EYS: variants seen among roughly 807,000 people sequenced by gnomAD.
EYS encodes the protein EGF-like photoreceptor maintenance factor.
EYS carries 250 observed loss-of-function variants against 282.1 expected under a neutral mutation model. The ratio of observed to expected loss-of-function variants is 0.89; its 90% confidence interval spans 0.80 to 0.98. The LOEUF is 0.98. Ranked by LOEUF, EYS falls within the 50% of genes least tolerant of loss-of-function variation. The pLI is 0.00. For synonymous variants in EYS, 1,355 were observed against 1,282.9 expected, an observed-to-expected ratio of 1.06 and a Z score of -1.20; for missense variants, 4,016 against 3,709.0, an observed-to-expected ratio of 1.08 and a Z score of -2.15.
chr6:64,323,070 ATAATT>A (rs1326695598), intron 29 of EYS, among the ~76,000 whole-genome samples: 1 of 152,134 alleles, frequency 6.6e-6, no homozygotes, highest in African/African-American at 2.4e-5. Context: ...CATATCATAT[ATAATT>A]TATCTATTTA....
chr6:65,521,986 G>C (rs1186449019), intron 2 of EYS, among the ~76,000 whole-genome samples: 2 of 152,084 alleles, frequency 1.3e-5, no homozygotes, highest in African/African-American at 4.8e-5. Context: ...TTCGGAGTTT[G>C]AGGAATTTTA....
intron 29 of EYS, among the ~76,000 whole-genome samples, chr6:64,381,206 T>G (rs1420442638): frequency 2.6e-5 from 4 of 152,178 alleles, no homozygotes; most frequent in African/African-American, 4.8e-5. Context: ...TTCTTTATAC[T>G]AACTCTACCT....
At chr6:64,153,908 AAAACG>A (rs1339512756) in intron 31 of EYS, among the ~76,000 whole-genome samples, 1 of 152,214 alleles carries the variant, frequency 6.6e-6, no homozygotes, top group Non-Finnish European at 1.5e-5. Context: ...GCATATAGAT[AAAACG>A]AATGAACAAG....
At chr6:63,731,431 A>G (rs560089133) in intron 41 of EYS, among the ~76,000 whole-genome samples, 107 of 152,142 alleles carry the variant, frequency 7.0e-4, no homozygotes, top group Non-Finnish European at 1.2e-3. Context: ...TCTTATATCT[A>G]TTGCAAGTAT....
chr6:64,759,172 G>T (rs1292402075), intron 22 of EYS, among the ~76,000 whole-genome samples: 2 of 151,880 alleles, frequency 1.3e-5, no homozygotes, highest in African/African-American at 2.4e-5. Context: ...AAAAAAATTA[G>T]TCTGAAGTTG....
chr6:65,357,591 T>A (rs1391501591), intron 8 of EYS, among the ~76,000 whole-genome samples: 1 of 151,980 alleles, frequency 6.6e-6, no homozygotes, highest in Non-Finnish European at 1.5e-5. Flanking sequence ...CAGTTGATAT[T>A]CCTAAGGAAC....
At chr6:64,798,017 C>A (rs1353177776) in intron 22 of EYS, among the ~76,000 whole-genome samples, 1 of 151,602 alleles carries the variant, frequency 6.6e-6, no homozygotes, top group South Asian at 2.1e-4. Context: ...TATATTAAAA[C>A]CATTATTTTC....
At chr6:64,918,436 T>G (rs973320206) in intron 15 of EYS, among the ~76,000 whole-genome samples, 5 of 152,080 alleles carry the variant, frequency 3.3e-5, no homozygotes, top group African/African-American at 1.2e-4. Flanking sequence ...TTGAAGATAT[T>G]TAAGGGTTTT....
Position 64,738,252 on chromosome 6 carries a change from C to A in EYS, c.3443+75126G>T, listed in dbSNP as rs1361948612. ...GATCCCTCATGAATGGCTTGATACC[C>A]TCCCTACAGTAATGAATGTGTTCTC... On this transcript the variant is annotated intron_variant, in intron 22 of 42. Transcript: ENST00000503581. 2.0e-5 allele frequency among the ~76,000 whole-genome samples: 3 copies of A among 152,118 alleles called. No individual in the cohort carries two copies. The East Asian group carries it at 5.8e-4, about 29-fold the overall frequency.
At chr6:64,192,753 T>C (rs952322539) in intron 31 of EYS, among the ~76,000 whole-genome samples, 2 of 152,294 alleles carry the variant, frequency 1.3e-5, no homozygotes, top group East Asian at 1.9e-4. Flanking sequence ...GGCATTACTA[T>C]TCTCTTTCAT....
chr6:63,969,759 T>C (rs1309763916), intron 35 of EYS, among the ~76,000 whole-genome samples: 1 of 152,202 alleles, frequency 6.6e-6, no homozygotes, highest in Non-Finnish European at 1.5e-5. Flanking sequence ...AGTCACATAA[T>C]ATATGGGGCC....
intron 2 of EYS, among the ~76,000 whole-genome samples, chr6:65,634,569 ACT>A (rs1767024444): frequency 2.0e-5 from 3 of 152,182 alleles, no homozygotes; most frequent in Non-Finnish European, 4.4e-5. Flanking sequence ...TCAGCTAGCT[ACT>A]CGGCAACTCT....
chr6:64,423,608 G>A (rs1187591944), intron 28 of EYS, among the ~76,000 whole-genome samples: 1 of 152,136 alleles, frequency 6.6e-6, no homozygotes, highest in African/African-American at 2.4e-5. Flanking sequence ...AAGAGTTCCA[G>A]ACCAGCCTAG....
intron 41 of EYS, among the ~76,000 whole-genome samples, chr6:63,753,497 T>C (rs1276071399): frequency 1.3e-5 from 2 of 152,186 alleles, no homozygotes; most frequent in South Asian, 4.1e-4. Flanking sequence ...ATTTTCACAC[T>C]GCTATATGGG....
At chr6:64,292,451 C>G (rs887920574) in intron 30 of EYS, among the ~76,000 whole-genome samples, 8 of 151,956 alleles carry the variant, frequency 5.3e-5, no homozygotes, top group African/African-American at 1.9e-4. Flanking sequence ...TGCTAGAGAG[C>G]TAGGGGTTAA....
intron 19 of EYS, among the ~76,000 whole-genome samples, chr6:64,855,085 C>T (rs1022476024): frequency 9.2e-5 from 14 of 151,932 alleles, no homozygotes; most frequent in African/African-American, 2.7e-4. Context: ...TGTCTGCCTT[C>T]AAGATTATCT....
chr6:64,036,582 C>A (rs1770132655), intron 33 of EYS, among the ~76,000 whole-genome samples: 1 of 152,108 alleles, frequency 6.6e-6, no homozygotes, highest in Admixed American at 6.5e-5. Flanking sequence ...AGACATCACG[C>A]AGGTGAACAA....
At chr6:65,047,748 T>C (rs1402770060) in intron 13 of EYS, among the ~76,000 whole-genome samples, 2 of 151,910 alleles carry the variant, frequency 1.3e-5, no homozygotes, top group Admixed American at 1.3e-4. Context: ...GGGAATTTAA[T>C]AAGGGACTAC....
chr6:64,047,503 A>G (rs770714717), intron 33 of EYS, among the ~76,000 whole-genome samples: 1 of 152,234 alleles, frequency 6.6e-6, no homozygotes, highest in African/African-American at 2.4e-5. Context: ...AATGCCTGAC[A>G]GAATGATAAT....
Sources: allele counts gnomAD v4.1 joint callset (sites outside exome capture counted in the v4.1 genomes callset), GRCh38; gene constraint gnomAD v4.1.1; transcripts MANE v1.5; gene names NCBI Gene and HGNC (gene_info 2026-07-23, HGNC 2026-07-21).